Variants in CSRNP3 observed in about 807,000 individuals in gnomAD.
CSRNP3 encodes the protein cysteine/serine-rich nuclear protein 3.
A neutral mutation model predicts 48.0 loss-of-function variants in CSRNP3; 12 were observed. The observed-to-expected ratio is 0.25, with a 90% CI of 0.16 to 0.41. CSRNP3 has a LOEUF of 0.41. CSRNP3 is among the 10% of genes least tolerant of loss of function. The pLI is 1.00. For synonymous variants in CSRNP3, 263 were observed against 269.7 expected (o/e 0.98, Z 0.24); for missense variants, 580 against 724.4 (o/e 0.80, Z 2.29).
Position 165,509,956 on chromosome 2 carries a change from A to G in CSRNP3, c.-112-7917A>G, listed in dbSNP as rs112807669. Among the ~76,000 whole-genome samples the G allele has an allele frequency of 3.3e-5, 5 of 152,238 alleles. 1 individual carries two copies. The highest frequency in any genetic ancestry group is 1.2e-4 in the African/African-American group (5 of 41,536). ...AGAGCTTGAGTCAAGTTATTTTAGA[A>G]TGTTCCTCAATCTTAGTTTTCTCTG... is the stretch of plus-strand genomic sequence containing the variant. On this transcript the variant is annotated intron_variant, in intron 2 of 6. Coordinates refer to ENST00000651982, the MANE Select transcript of CSRNP3 (RefSeq NM_001172173.2).
intron 5 of CSRNP3, among the ~76,000 whole-genome samples, chr2:165,661,123 G>A (rs991452872): frequency 1.3e-5 from 2 of 152,028 alleles, no homozygotes; most frequent in African/African-American, 4.8e-5. Flanking sequence ...TCCAAAGCCA[G>A]CTACCCCAAA....
chr2:165,516,311 A>G (rs1358234505), intron 2 of CSRNP3, among the ~76,000 whole-genome samples: 1 of 152,148 alleles, frequency 6.6e-6, no homozygotes, highest in Non-Finnish European at 1.5e-5. Flanking sequence ...TTATATCTTC[A>G]TTGGTCTTCA....
In CSRNP3 at chr2:165,509,652, TCA is replaced by T. The variant is rs568548874; in HGVS notation, c.-112-8218_-112-8217del. 4.8e-3 allele frequency among the ~76,000 whole-genome samples: 738 copies of T among 152,288 alleles called. 3 individuals carry two copies. The highest frequency in any genetic ancestry group is 6.0e-3 in the Non-Finnish European group (409 of 68,018). On this transcript the variant is annotated intron_variant, in intron 2 of 6. Transcript: ENST00000651982. ...GAGTTTTGAAAAAGTTGCAAAAATATCACAGAGAGTTCCCATGCACCCTTTGC... is the reference window on the plus strand; with the variant it reads ...GAGTTTTGAAAAAGTTGCAAAAATATCAGAGAGTTCCCATGCACCCTTTGC...
chr2:165,548,892 ACTC>A (rs1685063786), intron 3 of CSRNP3, among the ~76,000 whole-genome samples: 1 of 151,558 alleles, frequency 6.6e-6, no homozygotes. Context: ...TTTCAGAACT[ACTC>A]CTTTAGGAAT....
chr2:165,489,672 TA>T (rs1330705499), intron 1 of CSRNP3, among the ~76,000 whole-genome samples: 2 of 125,474 alleles, frequency 1.6e-5, no homozygotes, highest in Admixed American at 1.7e-4. Context: ...TAATCCAGCA[TA>T]TAAACAGAGC....
rs1187250382 is a variant in CSRNP3, at chr2:165,494,764, T to C, written c.-277T>C. On this transcript the variant is annotated 5_prime_UTR_variant, in exon 2 of 7. An upstream start codon of the reference 5' UTR is lost. Transcript: ENST00000651982. ...TGCTCCTGTTCCTGTTACAGGTACA[T>C]GTGACAGCGTTGCAGCTATGAGTGG... The C allele has an allele frequency of 2.4e-5, 5 of 206,338 alleles. No homozygotes were observed. Among genetic ancestry groups the C allele is most frequent in the Admixed American group, 1.4e-4 (3 of 21,390 alleles). The allele number at this position is 206,338 out of a possible 1,614,324, so 12.8% of individuals were successfully genotyped here.
intron 3 of CSRNP3, chr2:165,572,731 A>G (rs907505990): frequency 1.1e-4 from 17 of 152,182 alleles, no homozygotes; most frequent in African/African-American, 3.9e-4. Context: ...AATTGACCCA[A>G]TGCGATTAAA....
Position 165,679,756 on chromosome 2 carries a change from G to C in CSRNP3, c.*3G>C. 1 of 1,608,416 alleles carries C rather than the reference G, an allele frequency of 6.2e-7. No homozygotes were observed. ...TGGTTGAGACAGTCCCTGTTTAGTA[G>C]CTTAAATTATTCTAGGACCAACTCT... On this transcript the variant is annotated 3_prime_UTR_variant, in exon 7 of 7. Transcript: ENST00000651982.
At position 165,679,796 on chromosome 2, in the gene CSRNP3, CA is replaced by C; in HGVS notation, c.*44del. ...GGACCAACTCTTCTCTTATTTAAGG[CA>C]CTGTATTTAATTGGATTTCCTGGGC... is the stretch of plus-strand genomic sequence containing the variant. On this transcript the variant is annotated 3_prime_UTR_variant, in exon 7 of 7. Coordinates refer to ENST00000651982, the MANE Select transcript of CSRNP3 (RefSeq NM_001172173.2). 1.3e-6 allele frequency: 2 copies of C among 1,566,874 alleles called. No individual in the cohort carries two copies. Among genetic ancestry groups the C allele is most frequent in the Admixed American group, 1.8e-5 (1 of 54,656 alleles).
intron 1 of CSRNP3, among the ~76,000 whole-genome samples, chr2:165,472,682 A>T (rs1016728000): frequency 6.6e-6 from 1 of 152,002 alleles, no homozygotes; most frequent in Non-Finnish European, 1.5e-5. Context: ...TATTTTTGTT[A>T]TAATTCAGAT....
chr2:165,634,951 C>T (rs1686602542), intron 4 of CSRNP3, among the ~76,000 whole-genome samples: 1 of 152,214 alleles, frequency 6.6e-6, no homozygotes, highest in South Asian at 2.1e-4. Flanking sequence ...TGCTAACAGT[C>T]CCTGATGCAT....
chr2:165,666,226 A>C (rs1378659711), intron 5 of CSRNP3, among the ~76,000 whole-genome samples: 1 of 130,962 alleles, frequency 7.6e-6, no homozygotes, highest in East Asian at 2.7e-4. Flanking sequence ...ACAGAGAGGA[A>C]GGAAGGGAGG....
intron 4 of CSRNP3, among the ~76,000 whole-genome samples, chr2:165,649,181 A>G (rs1253920576): frequency 6.6e-6 from 1 of 152,240 alleles, no homozygotes; most frequent in East Asian, 1.9e-4. Flanking sequence ...ATGCATACAC[A>G]GTATTTGCAC....
At chr2:165,525,952 G>A (rs576227391) in intron 3 of CSRNP3, among the ~76,000 whole-genome samples, 3 of 152,286 alleles carry the variant, frequency 2.0e-5, no homozygotes, top group African/African-American at 2.4e-5. Flanking sequence ...TTTTACTTAT[G>A]TGCTTACGGA....
chr2:165,597,290 C>G (rs1002851359), intron 4 of CSRNP3, among the ~76,000 whole-genome samples: 5 of 152,140 alleles, frequency 3.3e-5, no homozygotes, highest in African/African-American at 9.7e-5. Flanking sequence ...CCAGGCATTT[C>G]TAATGTGCCC....
At chr2:165,614,194 G>A (rs936828418) in intron 4 of CSRNP3, among the ~76,000 whole-genome samples, 2 of 151,740 alleles carry the variant, frequency 1.3e-5, no homozygotes, top group Non-Finnish European at 2.9e-5. Context: ...TTTATTTGTA[G>A]CTGTTTTAAA....
At chr2:165,645,872 G>A (rs1404424300) in intron 4 of CSRNP3, among the ~76,000 whole-genome samples, 1 of 151,834 alleles carries the variant, frequency 6.6e-6, no homozygotes, top group Admixed American at 6.6e-5. Context: ...CAGCCTTGTA[G>A]GTTTTTTTTG....
intron 2 of CSRNP3, among the ~76,000 whole-genome samples, chr2:165,495,893 A>T (rs1441405159): frequency 6.6e-6 from 1 of 151,966 alleles, no homozygotes; most frequent in East Asian, 1.9e-4. Flanking sequence ...GTTTAAACTC[A>T]CCAAAACAGC....
chr2:165,528,290 C>G (rs1244062219), intron 3 of CSRNP3, among the ~76,000 whole-genome samples: 1 of 152,146 alleles, frequency 6.6e-6, no homozygotes, highest in East Asian at 1.9e-4. Flanking sequence ...ATCCTATTAA[C>G]TGCTTCCTTT....
Sources: gnomAD v4.1 joint callset for allele counts (sites outside exome capture counted in the v4.1 genomes callset) on GRCh38, gnomAD v4.1.1 for gene constraint, MANE v1.5 for transcripts, NCBI Gene and HGNC (gene_info 2026-07-23, HGNC 2026-07-21) for gene names.